SHISA9: variants seen among roughly 807,000 people sequenced by gnomAD.
SHISA9 encodes shisa family member 9.
A neutral mutation model predicts 38.0 loss-of-function variants in SHISA9; 13 were observed. That is an observed-to-expected ratio of 0.34 (90% CI 0.22 to 0.54). The LOEUF (loss-of-function observed/expected upper bound fraction) is 0.54, where lower values mean the gene tolerates loss of function less well. Ranked by LOEUF, SHISA9 falls within the 20% of genes least tolerant of loss-of-function variation. The pLI is 0.91. For synonymous variants in SHISA9, 275 were observed against 242.0 expected (o/e 1.14, Z -1.27); for missense variants, 538 against 575.8 (o/e 0.93, Z 0.67).
chr16:13,456,496 T>C, the SHISA9 span, among the ~76,000 whole-genome samples: 1 of 152,260 alleles, frequency 6.6e-6, no homozygotes, highest in South Asian at 2.1e-4. Flanking sequence ...ATGTCCATTC[T>C]TTAATGCCAC....
the SHISA9 span, among the ~76,000 whole-genome samples, chr16:13,279,414 C>G: frequency 6.6e-6 from 1 of 151,918 alleles, no homozygotes; most frequent in Non-Finnish European, 1.5e-5. Context: ...TCCATTTGTT[C>G]CAAGGTATAG....
At chr16:13,013,319 G>A (rs748305099) in intron 2 of SHISA9, among the ~76,000 whole-genome samples, 2 of 152,166 alleles carry the variant, frequency 1.3e-5, no homozygotes, top group Admixed American at 6.5e-5. Context: ...AGTCAAGGAC[G>A]CCTATAGCCC....
intron 2 of SHISA9, among the ~76,000 whole-genome samples, chr16:12,957,486 C>T (rs1024671435): frequency 1.3e-4 from 20 of 152,252 alleles, no homozygotes; most frequent in African/African-American, 4.8e-4. Flanking sequence ...CCTCACATGG[C>T]AGGGAGCAGA....
the SHISA9 span, among the ~76,000 whole-genome samples, chr16:13,543,555 A>C: frequency 6.6e-6 from 1 of 152,140 alleles, no homozygotes; most frequent in Non-Finnish European, 1.5e-5. Flanking sequence ...CTTGATCTTG[A>C]GCACTGTGAT....
At chr16:13,019,883 CCTTCT>C (rs2072817231) in intron 2 of SHISA9, among the ~76,000 whole-genome samples, 4 of 12,452 alleles carry the variant, frequency 3.2e-4, no homozygotes, top group Non-Finnish European at 6.8e-4. Flanking sequence ...TCCCTCCCTC[CCTTCT>C]TTCTTTCTTT....
chr16:13,401,054 C>A, the SHISA9 span, among the ~76,000 whole-genome samples: 1 of 152,130 alleles, frequency 6.6e-6, no homozygotes, highest in Non-Finnish European at 1.5e-5. Context: ...TCCAAGCCCA[C>A]CCACAGACTC....
chr16:13,499,884 A>G, the SHISA9 span, among the ~76,000 whole-genome samples: 1 of 152,162 alleles, frequency 6.6e-6, no homozygotes, highest in Non-Finnish European at 1.5e-5. Context: ...ACAAAGAACA[A>G]TGGTTGAGCA....
At chr16:13,532,557 A>G in the SHISA9 span, among the ~76,000 whole-genome samples, 37 of 150,152 alleles carry the variant, frequency 2.5e-4, no homozygotes, top group Admixed American at 5.3e-4. Context: ...GCGTGTGTGT[A>G]TGTGTGTGTG....
intron 2 of SHISA9, among the ~76,000 whole-genome samples, chr16:13,189,673 G>A (rs760272550): frequency 1.3e-5 from 2 of 152,226 alleles, no homozygotes; most frequent in Non-Finnish European, 2.9e-5. Flanking sequence ...TTTAAGCTGA[G>A]ACCTGAAAGA....
At chr16:13,088,386 T>C (rs1394789735) in intron 2 of SHISA9, among the ~76,000 whole-genome samples, 6 of 152,212 alleles carry the variant, frequency 3.9e-5, no homozygotes. Flanking sequence ...CGGCATTTAA[T>C]CTATAAATTA....
Position 13,004,943 on chromosome 16 carries a change from G to GAA in SHISA9, c.691+88142_691+88143dup, listed in dbSNP as rs59694628. Among the ~76,000 whole-genome samples the GAA allele has an allele frequency of 7.9e-4, 82 of 103,764 alleles. 1 individual carries two copies. The highest frequency in any genetic ancestry group is 2.0e-3 in the East Asian group (7 of 3,558). The allele number at this position is 103,764 out of a possible 152,430, so 68.1% of individuals were successfully genotyped here. A position where few individuals can be genotyped will look rare whatever the true frequency, so the allele number is the denominator to read the frequency against. On this transcript the variant is annotated intron_variant, in intron 2 of 4. Coordinates refer to ENST00000558583, the MANE Select transcript of SHISA9 (RefSeq NM_001145204.3). The stretch of plus-strand genomic sequence containing the variant: ...GTAAGACTCCATCTCTTAAGAAAAA[G>GAA]AAAAAAAAAAAAAAAGAAAAAAAGA...
At chr16:13,035,179 T>G (rs2073039684) in intron 2 of SHISA9, among the ~76,000 whole-genome samples, 1 of 152,168 alleles carries the variant, frequency 6.6e-6, no homozygotes, top group Non-Finnish European at 1.5e-5. Context: ...AATTAATAGC[T>G]CTATATTTTG....
At chr16:13,347,081 C>A in the SHISA9 span, among the ~76,000 whole-genome samples, 3 of 152,102 alleles carry the variant, frequency 2.0e-5, no homozygotes, top group Non-Finnish European at 1.5e-5. Flanking sequence ...TTGTATTGTG[C>A]TTATGTAGTT....
the SHISA9 span, among the ~76,000 whole-genome samples, chr16:13,443,980 T>C: frequency 6.6e-6 from 1 of 152,218 alleles, no homozygotes; most frequent in Non-Finnish European, 1.5e-5. Flanking sequence ...ATAATTGTCA[T>C]GGAATAGCCA....
the SHISA9 span, among the ~76,000 whole-genome samples, chr16:13,359,782 C>T: frequency 1.3e-5 from 2 of 152,310 alleles, no homozygotes; most frequent in South Asian, 4.1e-4. Context: ...AGCAGGTTCA[C>T]TGTGCACGGG....
the SHISA9 span, among the ~76,000 whole-genome samples, chr16:13,328,633 CACAT>C: frequency 0.025 from 2,368 of 95,520 alleles, 54 homozygotes; most frequent in African/African-American, 0.091. Flanking sequence ...CACACACACA[CACAT>C]ATATATTGTA....
chr16:13,451,713 C>G, the SHISA9 span, among the ~76,000 whole-genome samples: 1 of 152,180 alleles, frequency 6.6e-6, no homozygotes, highest in Non-Finnish European at 1.5e-5. Flanking sequence ...CAAAGGAGGA[C>G]AGCATAATGA....
chr16:12,914,103 T>A (rs2071222985), intron 1 of SHISA9, among the ~76,000 whole-genome samples: 1 of 149,280 alleles, frequency 6.7e-6, no homozygotes, highest in Admixed American at 6.8e-5. Context: ...TGGAGTGCAA[T>A]GGCGCGATCT....
At chr16:13,191,383 C>T (rs894168131) in intron 2 of SHISA9, among the ~76,000 whole-genome samples, 3 of 152,228 alleles carry the variant, frequency 2.0e-5, no homozygotes, top group African/African-American at 7.2e-5. Flanking sequence ...GGAAACCTAA[C>T]ATCCTCTTTT....
Sources: gnomAD v4.1 joint callset for allele counts (sites outside exome capture counted in the v4.1 genomes callset) on GRCh38, gnomAD v4.1.1 for gene constraint, MANE v1.5 for transcripts, NCBI Gene and HGNC (gene_info 2026-07-23, HGNC 2026-07-21) for gene names.